The following LRP1B variants were observed in gnomAD, a reference collection of about 807,000 sequenced individuals.
The protein encoded by LRP1B is low-density lipoprotein receptor-related protein 1B.
Under a neutral mutation model 556.6 loss-of-function variants are expected in LRP1B, and 217 were observed. The observed-to-expected ratio is 0.39, with a 90% CI of 0.35 to 0.44. LRP1B has a LOEUF of 0.44. LRP1B is among the 20% of genes least tolerant of loss of function. The pLI is 1.00. For missense variants in LRP1B, 5,053 were observed against 5,620.8 expected (o/e 0.90, Z 3.23); for synonymous variants, 2,047 against 1,865.8 (o/e 1.10, Z -2.50).
At chr2:141,784,653 T>C (rs542724425) in intron 2 of LRP1B, among the ~76,000 whole-genome samples, 1 of 152,024 alleles carries the variant, frequency 6.6e-6, no homozygotes, top group South Asian at 2.1e-4. Context: ...ACTGAATCCC[T>C]GATTGTTCAA....
At chr2:140,744,047 G>A (rs568849785) in intron 35 of LRP1B, among the ~76,000 whole-genome samples, 15 of 148,644 alleles carry the variant, frequency 1.0e-4, no homozygotes, top group Non-Finnish European at 7.4e-5. Flanking sequence ...GTGGGTGAGA[G>A]GAATGAGAAG....
At chr2:141,647,537 C>G (rs16846758) in intron 2 of LRP1B, among the ~76,000 whole-genome samples, 125,664 of 152,122 alleles carry the variant, frequency 0.83, 52,078 homozygotes, top group East Asian at 0.94. Context: ...AATAGACATG[C>G]TTCATCATTT....
At chr2:142,091,871 A>AAAGATTTC (rs1706186069) in intron 1 of LRP1B, among the ~76,000 whole-genome samples, 1 of 152,206 alleles carries the variant, frequency 6.6e-6, no homozygotes, top group Non-Finnish European at 1.5e-5. Flanking sequence ...AAAATCGATG[A>AAAGATTTC]AAGATTTCTA....
At chr2:141,490,313 C>A (rs1468936427) in intron 2 of LRP1B, among the ~76,000 whole-genome samples, 2 of 150,960 alleles carry the variant, frequency 1.3e-5, no homozygotes, top group Admixed American at 6.6e-5. Flanking sequence ...TAGTTAACAT[C>A]CTTTTACTGA....
In LRP1B at chr2:140,545,046, G is replaced by A. The variant is rs185577407; in HGVS notation, c.7195-3075C>T. On this transcript the variant is annotated intron_variant, in intron 43 of 90. Transcript: ENST00000389484. Reference sequence around the variant, plus strand: ...TTGATTTGCATTTCTCTAATGATCAGTCATGTTGAGCTTTTTTTCATATGT... The same window carrying A: ...TTGATTTGCATTTCTCTAATGATCAATCATGTTGAGCTTTTTTTCATATGT... Among the ~76,000 whole-genome samples the A allele has an allele frequency of 2.0e-3, 305 of 151,950 alleles. 6 individuals carry two copies. In the South Asian group the frequency reaches 0.027, roughly 13 times the overall value.
chr2:141,567,249 C>T (rs574976364), intron 2 of LRP1B, among the ~76,000 whole-genome samples: 67 of 151,510 alleles, frequency 4.4e-4, no homozygotes, highest in Non-Finnish European at 7.1e-4. Context: ...TCACAAATTG[C>T]GATCATTTTT....
chr2:141,913,764 T>A (rs74477817), intron 1 of LRP1B, among the ~76,000 whole-genome samples: 1 of 152,010 alleles, frequency 6.6e-6, no homozygotes, highest in African/African-American at 2.4e-5. Flanking sequence ...ATTTTTTTTT[T>A]AAGATGGAGT....
At chr2:141,045,572 T>A (rs1202462790) in intron 11 of LRP1B, among the ~76,000 whole-genome samples, 1 of 152,068 alleles carries the variant, frequency 6.6e-6, no homozygotes, top group Non-Finnish European at 1.5e-5. Flanking sequence ...TTGATACCCC[T>A]TTTATTTTCT....
intron 84 of LRP1B, among the ~76,000 whole-genome samples, chr2:140,287,921 T>C (rs865783080): frequency 6.7e-6 from 1 of 149,244 alleles, no homozygotes; most frequent in South Asian, 2.1e-4. Flanking sequence ...ATTTGGAAAA[T>C]GTAGTGGATT....
At chr2:141,591,988 C>A (rs1163943621) in intron 2 of LRP1B, among the ~76,000 whole-genome samples, 1 of 152,078 alleles carries the variant, frequency 6.6e-6, no homozygotes, top group Non-Finnish European at 1.5e-5. Flanking sequence ...ATCACGTGAC[C>A]TGGAATTCCA....
intron 71 of LRP1B, among the ~76,000 whole-genome samples, chr2:140,365,288 A>G (rs759857589): frequency 5.9e-5 from 9 of 151,698 alleles, no homozygotes; most frequent in Non-Finnish European, 1.2e-4. Context: ...TTTTAATAGC[A>G]GTAAGAATTT....
intron 7 of LRP1B, among the ~76,000 whole-genome samples, chr2:141,161,596 G>A (rs570589686): frequency 2.1e-4 from 32 of 152,186 alleles, no homozygotes; most frequent in Non-Finnish European, 4.0e-4. Flanking sequence ...GGCAACTTGC[G>A]TTTTGTACTA....
intron 3 of LRP1B, among the ~76,000 whole-genome samples, chr2:141,415,704 G>A (rs1691074223): frequency 6.6e-6 from 1 of 151,798 alleles, no homozygotes; most frequent in Non-Finnish European, 1.5e-5. Context: ...AATAGTTGCA[G>A]ATGAAATTTA....
intron 3 of LRP1B, among the ~76,000 whole-genome samples, chr2:141,459,025 C>T (rs1681749044): frequency 6.6e-6 from 1 of 152,126 alleles, no homozygotes; most frequent in Non-Finnish European, 1.5e-5. Context: ...AAATGGCAGT[C>T]CAGAAACACC....
At chr2:140,467,149 T>TA (rs752792113) in intron 60 of LRP1B, among the ~76,000 whole-genome samples, 10 of 152,098 alleles carry the variant, frequency 6.6e-5, no homozygotes, top group African/African-American at 9.7e-5. Flanking sequence ...ATAAAATCAA[T>TA]AAAAAATCTC....
At chr2:140,284,515 C>T (rs1683046150) in intron 84 of LRP1B, among the ~76,000 whole-genome samples, 1 of 151,598 alleles carries the variant, frequency 6.6e-6, no homozygotes, top group Non-Finnish European at 1.5e-5. Flanking sequence ...CTCACCTCAT[C>T]ATAGTGAGAG....
chr2:141,346,146 T>G (rs1688250193), intron 3 of LRP1B, among the ~76,000 whole-genome samples: 1 of 152,114 alleles, frequency 6.6e-6, no homozygotes, highest in South Asian at 2.1e-4. Context: ...GTTTTGTTTG[T>G]TTTTATTTTC....
chr2:141,378,820 G>T (rs1281263927), intron 3 of LRP1B, among the ~76,000 whole-genome samples: 2 of 152,176 alleles, frequency 1.3e-5, no homozygotes, highest in Non-Finnish European at 2.9e-5. Flanking sequence ...AAATTATTCA[G>T]TCTGAAGAGC....
intron 3 of LRP1B, among the ~76,000 whole-genome samples, chr2:141,319,324 T>TC (rs1362575984): frequency 1.4e-5 from 2 of 146,538 alleles, no homozygotes; most frequent in Non-Finnish European, 3.0e-5. Flanking sequence ...TTTTTTTTTT[T>TC]CCTACTCTTA....
Sources: gnomAD v4.1 joint callset for allele counts (sites outside exome capture counted in the v4.1 genomes callset) on GRCh38, gnomAD v4.1.1 for gene constraint, MANE v1.5 for transcripts, NCBI Gene and HGNC (gene_info 2026-07-23, HGNC 2026-07-21) for gene names.